PIWIL3: variants seen among roughly 807,000 people sequenced by gnomAD.
The protein encoded by PIWIL3 is piwi like RNA-mediated gene silencing 3.
In PIWIL3, 101 loss-of-function variants were observed where a neutral mutation model predicts 109.7. The observed-to-expected ratio is 0.92, with a 90% CI of 0.78 to 1.09. PIWIL3 has a LOEUF of 1.09. Among genes scored for constraint, PIWIL3 ranks in the 50% least tolerant of loss-of-function variants. PIWIL3 has a pLI of 0.00. For missense variants in PIWIL3, 1,031 were observed against 1,072.6 expected (o/e 0.96, Z 0.54); for synonymous variants, 373 against 376.4 (o/e 0.99, Z 0.10).
At chr22:24,746,688 A>G (rs1420376983) in intron 12 of PIWIL3, among the ~76,000 whole-genome samples, 2 of 152,040 alleles carry the variant, frequency 1.3e-5, no homozygotes, top group Non-Finnish European at 2.9e-5. Context: ...GATACAAAAA[A>G]ACAAAAAATC....
chr22:24,723,356 A>G (rs1452405726), intron 18 of PIWIL3, 101 bp from the exon 19 acceptor site: 1 of 1,238,986 alleles, frequency 8.1e-7, no homozygotes, highest in Non-Finnish European at 1.1e-6. Context: ...CCCATTAAGA[A>G]GAACAGACAG....
At chr22:24,735,517 T>C (rs1289606798) in intron 13 of PIWIL3, among the ~76,000 whole-genome samples, 191 bp downstream of exon 13, 1 of 152,258 alleles carries the variant, frequency 6.6e-6, no homozygotes, top group Non-Finnish European at 1.5e-5. Context: ...TCATACCTTC[T>C]ACAACATGTA....
At chr22:24,754,568 A>G (rs778220991) in intron 7 of PIWIL3, among the ~76,000 whole-genome samples, 13 of 152,220 alleles carry the variant, frequency 8.5e-5, no homozygotes, top group Non-Finnish European at 1.6e-4. Flanking sequence ...TGTGTGTGCA[A>G]CAACTGAATA....
intron 1 of PIWIL3, among the ~76,000 whole-genome samples, chr22:24,764,547 T>TAAA (rs1172225507): frequency 1.4e-5 from 2 of 141,158 alleles, no homozygotes; most frequent in Non-Finnish European, 3.1e-5. Context: ...TAAATAAAAA[T>TAAA]AAAATAAAAA....
chr22:24,757,351 C>T (rs1925112013), intron 4 of PIWIL3, among the ~76,000 whole-genome samples: 1 of 152,110 alleles, frequency 6.6e-6, no homozygotes, highest in African/African-American at 2.4e-5. Flanking sequence ...GTGGCTCACA[C>T]CTATAATCCC....
chr22:24,733,799 T>C (rs1246603945), intron 14 of PIWIL3, among the ~76,000 whole-genome samples: 2 of 152,188 alleles, frequency 1.3e-5, no homozygotes, highest in East Asian at 3.8e-4. Flanking sequence ...AAGTAATGAA[T>C]GTGATTATTA....
At chr22:24,743,118 GA>G (rs933418792) in intron 12 of PIWIL3, among the ~76,000 whole-genome samples, 1 of 151,942 alleles carries the variant, frequency 6.6e-6, no homozygotes, top group Admixed American at 6.6e-5. Context: ...TGGCCAACAT[GA>G]AAACATGTTC....
intron 14 of PIWIL3, among the ~76,000 whole-genome samples, chr22:24,730,374 A>AAC (rs1291473121): frequency 6.6e-6 from 1 of 151,736 alleles, no homozygotes; most frequent in Non-Finnish European, 1.5e-5. Flanking sequence ...AAAAAAAAAA[A>AAC]AAAAAAAAAG....
intron 18 of PIWIL3, among the ~76,000 whole-genome samples, chr22:24,723,983 T>C (rs1274805212): frequency 1.3e-5 from 2 of 152,172 alleles, no homozygotes; most frequent in Admixed American, 1.3e-4. Flanking sequence ...AGGCCATTCA[T>C]GGATTTCTAT....
At chr22:24,769,865 A>C (rs1305658728) in intron 1 of PIWIL3, 1 of 152,110 alleles carries the variant, frequency 6.6e-6, no homozygotes, top group African/African-American at 2.4e-5. Context: ...AAAGAAAAAA[A>C]AATCCCCAAA....
chr22:24,770,421 A>G (rs544722253), intron 1 of PIWIL3, among the ~76,000 whole-genome samples: 127 of 152,194 alleles, frequency 8.3e-4, no homozygotes, highest in Non-Finnish European at 1.6e-3. Flanking sequence ...CTTGAAATGT[A>G]TTTGAAACCC....
Position 24,735,754 on chromosome 22 carries a change from G to C in PIWIL3, c.1588C>G (p.Gln530Glu). 1 of 1,613,708 alleles carries C rather than the reference G, an allele frequency of 6.2e-7. No individual in the cohort carries two copies. The highest frequency in any genetic ancestry group is 8.5e-7 in the Non-Finnish European group (1 of 1,179,842). Residue 530 changes from glutamine (Q) to glutamate (E), a missense_variant, in exon 13 of 21, where the codon CAG becomes GAG. Gln to Glu is a conservative substitution (Grantham distance 29). Transcript: ENST00000616349. ...ATGCCCATGGGGGCTGTGACACTCT[G>C]TAGATGACCCTTTAAGGACATGGCT... is the stretch of plus-strand genomic sequence containing the variant. The part of the protein sequence containing the change: ...REAMSLKGHL[Q>E]SVTAPMGITM...
At chr22:24,736,009 G>C (rs1923636488) in intron 12 of PIWIL3, 117 bp from the exon 13 acceptor site, 1 of 834,686 alleles carries the variant, frequency 1.2e-6, no homozygotes, top group African/African-American at 1.8e-5. Flanking sequence ...TTATAAACTT[G>C]AATGGCCAAT....
At chr22:24,770,902 T>A (rs1926100086) in intron 1 of PIWIL3, among the ~76,000 whole-genome samples, 1 of 151,610 alleles carries the variant, frequency 6.6e-6, no homozygotes, top group Non-Finnish European at 1.5e-5. Context: ...AAGACCCAGC[T>A]ACAGAATTCT....
At chr22:24,719,687 T>C in intron 20 of PIWIL3, 61 bp downstream of exon 20, 1 of 1,560,592 alleles carries the variant, frequency 6.4e-7, no homozygotes, top group South Asian at 1.1e-5. Flanking sequence ...GGTCCAACAT[T>C]GTTCAATGTT....
At chr22:24,756,018 A>G (rs182907860) in intron 5 of PIWIL3, 113 bp from the exon 6 acceptor site, 87 of 1,167,404 alleles carry the variant, frequency 7.5e-5, no homozygotes, top group Non-Finnish European at 9.7e-5. Flanking sequence ...ATCGTGATGG[A>G]GCAGTCTTTC....
Position 24,743,578 on chromosome 22 carries a change from C to G in PIWIL3, c.1449+5329G>C, listed in dbSNP as rs1924131532. On this transcript the variant is annotated intron_variant, in intron 12 of 20. Coordinates refer to ENST00000616349, the MANE Select transcript of PIWIL3 (RefSeq NM_001255975.1). ...ATGAAGTAACTCAGGAATGGAAAAC[C>G]AAACATTGTTATCTTCTCACTCATA... Among the ~76,000 whole-genome samples, 5 of 152,230 alleles carry G rather than the reference C, an allele frequency of 3.3e-5. No individual in the cohort carries two copies. The South Asian group carries it at 1.0e-3, about 32-fold the overall frequency.
chr22:24,770,449 C>T (rs1001847519), intron 1 of PIWIL3, among the ~76,000 whole-genome samples: 4 of 151,866 alleles, frequency 2.6e-5, no homozygotes, highest in Non-Finnish European at 5.9e-5. Flanking sequence ...CACTCTCTTC[C>T]CCCCAGACAC....
intron 4 of PIWIL3, 45 bp from the exon 5 acceptor site, chr22:24,756,750 G>T: frequency 6.6e-7 from 1 of 1,503,862 alleles, no homozygotes; most frequent in Non-Finnish European, 9.2e-7. Context: ...GACTGATTGG[G>T]CCCAAAACAA....
Sources: allele counts gnomAD v4.1 joint callset (sites outside exome capture counted in the v4.1 genomes callset), GRCh38; gene constraint gnomAD v4.1.1; transcripts MANE v1.5; gene names NCBI Gene and HGNC (gene_info 2026-07-23, HGNC 2026-07-21).